CHST8: variants seen among roughly 807,000 people sequenced by gnomAD.
The protein encoded by CHST8 is GALNAC-4-ST1.
A neutral mutation model predicts 15.0 loss-of-function variants in CHST8; 10 were observed. That is an observed-to-expected ratio of 0.67 (90% CI 0.41 to 1.13). CHST8 has a LOEUF of 1.13. CHST8 is among the 50% of genes most tolerant of loss of function. CHST8 has a pLI of 0.00. For missense variants in CHST8, 634 were observed against 608.2 expected (o/e 1.04, Z -0.45); for synonymous variants, 259 against 256.6 (o/e 1.01, Z -0.09).
intron 3 of CHST8, among the ~76,000 whole-genome samples, chr19:33,761,210 G>A (rs1302631525): frequency 1.3e-5 from 2 of 152,194 alleles, no homozygotes; most frequent in Middle Eastern, 3.2e-3. Flanking sequence ...ATGTGTTGAA[G>A]GAAGACAAGC....
intron 3 of CHST8, among the ~76,000 whole-genome samples, chr19:33,712,731 T>C (rs1418367024): frequency 6.6e-6 from 1 of 152,162 alleles, no homozygotes; most frequent in East Asian, 1.9e-4. Flanking sequence ...GCACTCCCTC[T>C]ATCCTGAGTA....
At chr19:33,761,625 C>T (rs969125716) in intron 3 of CHST8, among the ~76,000 whole-genome samples, 7 of 151,578 alleles carry the variant, frequency 4.6e-5, no homozygotes, top group Non-Finnish European at 7.4e-5. Context: ...GCCAGCACAC[C>T]TGGCCAAAAT....
intron 3 of CHST8, among the ~76,000 whole-genome samples, chr19:33,748,086 A>C (rs1347449509): frequency 6.6e-6 from 1 of 152,174 alleles, no homozygotes; most frequent in African/African-American, 2.4e-5. Flanking sequence ...CCCTCCTGCC[A>C]AGGACCCAGG....
intron 2 of CHST8, among the ~76,000 whole-genome samples, chr19:33,682,199 T>G (rs970466609): frequency 3.7e-4 from 54 of 145,834 alleles, no homozygotes; most frequent in African/African-American, 7.8e-4. Context: ...TTTTTTTTTT[T>G]TTTTTTTTTT....
chr19:33,675,492 G>C (rs1255968315), intron 2 of CHST8, among the ~76,000 whole-genome samples: 1 of 152,228 alleles, frequency 6.6e-6, no homozygotes, highest in Non-Finnish European at 1.5e-5. Flanking sequence ...TGGGTTTTCT[G>C]TTTCTCGCTT....
At chr19:33,641,014 C>T (rs1972276983) in intron 1 of CHST8, among the ~76,000 whole-genome samples, 1 of 152,194 alleles carries the variant, frequency 6.6e-6, no homozygotes, top group Non-Finnish European at 1.5e-5. Context: ...AGGCCCAGCC[C>T]CTTGTCTCCA....
At chr19:33,636,092 TAA>T (rs4012941) in intron 1 of CHST8, among the ~76,000 whole-genome samples, 3,476 of 139,600 alleles carry the variant, frequency 0.025, 145 homozygotes, top group African/African-American at 0.085. Flanking sequence ...TTATCAAAGT[TAA>T]AAAAAAAAAA....
intron 1 of CHST8, among the ~76,000 whole-genome samples, chr19:33,658,789 A>G (rs1021870314): frequency 5.9e-5 from 9 of 152,094 alleles, no homozygotes; most frequent in African/African-American, 2.2e-4. Context: ...CTCAGCCATT[A>G]TCCTCTCAGT....
At chr19:33,768,269 T>C (rs1439517666) in intron 3 of CHST8, among the ~76,000 whole-genome samples, 1 of 152,130 alleles carries the variant, frequency 6.6e-6, no homozygotes, top group African/African-American at 2.4e-5. Flanking sequence ...ATTACGTTTC[T>C]TCTTTATTCG....
intron 1 of CHST8, among the ~76,000 whole-genome samples, chr19:33,663,565 C>G (rs930720918): frequency 6.6e-6 from 1 of 152,028 alleles, no homozygotes; most frequent in East Asian, 1.9e-4. Context: ...CCCTGTCCCC[C>G]AAAAAGGTTT....
chr19:33,702,341 G>T (rs1029445861), intron 3 of CHST8, among the ~76,000 whole-genome samples: 14 of 152,162 alleles, frequency 9.2e-5, no homozygotes, highest in African/African-American at 3.4e-4. Flanking sequence ...GCAGTGCAGT[G>T]GCATGATCAT....
intron 1 of CHST8, among the ~76,000 whole-genome samples, chr19:33,667,529 T>TA (rs1972679206): frequency 6.6e-6 from 1 of 152,130 alleles, no homozygotes; most frequent in Non-Finnish European, 1.5e-5. Context: ...CCCATTCTGG[T>TA]AAATTAAGGA....
In CHST8 at chr19:33,757,584, GAAA is replaced by G. The variant is rs750211249; in HGVS notation, c.131-13828_131-13826del. On this transcript the variant is annotated intron_variant, in intron 3 of 4. Transcript: ENST00000650847. Reference sequence around the variant, plus strand: ...AGAAAGAAAGAAAGAAAGAAAGAAAGAAAGAAAGAAAGAAAGAAAGAGCCGGCC... The same window carrying G: ...AGAAAGAAAGAAAGAAAGAAAGAAAGGAAAGAAAGAAAGAAAGAGCCGGCC... Among the ~76,000 whole-genome samples, 18 of 141,584 alleles carry G rather than the reference GAAA, an allele frequency of 1.3e-4. 1 individual carries two copies. Among genetic ancestry groups the G allele is most frequent in the African/African-American group, 2.6e-4 (10 of 37,918 alleles). The allele number at this position is 141,584 out of a possible 152,430, so 92.9% of individuals were successfully genotyped here.
chr19:33,644,352 A>T (rs1038675116), intron 1 of CHST8, among the ~76,000 whole-genome samples: 3 of 152,142 alleles, frequency 2.0e-5, no homozygotes, highest in African/African-American at 7.2e-5. Flanking sequence ...GCACTGGGGG[A>T]TACAGCAGGA....
chr19:33,765,214 G>A (rs1449202242), intron 3 of CHST8, among the ~76,000 whole-genome samples: 1 of 151,890 alleles, frequency 6.6e-6, no homozygotes, highest in African/African-American at 2.4e-5. Context: ...AGCAGAGATT[G>A]ATCTTCTGTT....
At chr19:33,764,853 T>C (rs532907628) in intron 3 of CHST8, among the ~76,000 whole-genome samples, 4 of 151,960 alleles carry the variant, frequency 2.6e-5, no homozygotes, top group Non-Finnish European at 5.9e-5. Context: ...TTCCCACCCT[T>C]TCCCCGAGTT....
intron 3 of CHST8, among the ~76,000 whole-genome samples, chr19:33,729,225 T>C (rs1214916328): frequency 6.6e-6 from 1 of 152,238 alleles, no homozygotes; most frequent in Non-Finnish European, 1.5e-5. Flanking sequence ...TGCAGTCTCA[T>C]CTGACGGCTC....
chr19:33,658,062 G>A (rs1298902661), intron 1 of CHST8, among the ~76,000 whole-genome samples: 1 of 152,164 alleles, frequency 6.6e-6, no homozygotes, highest in Non-Finnish European at 1.5e-5. Flanking sequence ...CAGTAGGGCT[G>A]GGTGTGGTGG....
chr19:33,711,185 T>C (rs1217707432), intron 3 of CHST8, among the ~76,000 whole-genome samples: 2 of 152,110 alleles, frequency 1.3e-5, no homozygotes, highest in Non-Finnish European at 2.9e-5. Context: ...ACTTTTTAAA[T>C]GGTGATGGTT....
Sources: gnomAD v4.1 joint callset for allele counts (sites outside exome capture counted in the v4.1 genomes callset) on GRCh38, gnomAD v4.1.1 for gene constraint, MANE v1.5 for transcripts, NCBI Gene and HGNC (gene_info 2026-07-23, HGNC 2026-07-21) for gene names.